MAGI2: variants seen among roughly 807,000 people sequenced by gnomAD.
MAGI2 encodes membrane-associated guanylate kinase, WW and PDZ domain-containing protein 2.
Under a neutral mutation model 133.3 loss-of-function variants are expected in MAGI2, and 35 were observed. The observed-to-expected ratio is 0.26, with a 90% confidence interval of 0.20 to 0.35. The LOEUF (loss-of-function observed/expected upper bound fraction) is 0.35, where lower values mean the gene tolerates loss of function less well. Ranked by LOEUF, MAGI2 falls within the 10% of genes least tolerant of loss-of-function variation. The pLI is 1.00. For missense variants in MAGI2, 1,636 were observed against 1,863.4 expected, an observed-to-expected ratio of 0.88 and a Z score of 2.25; for synonymous variants, 729 against 710.6, an observed-to-expected ratio of 1.03 and a Z score of -0.41.
intron 1 of MAGI2, among the ~76,000 whole-genome samples, chr7:79,324,505 CAT>C (rs1297840534): frequency 2.0e-5 from 1 of 49,020 alleles, no homozygotes; most frequent in African/African-American, 8.3e-5. Context: ...CATATATACA[CAT>C]ATAACCATAT....
At chr7:78,155,416 C>T (rs1355819164) in intron 16 of MAGI2, among the ~76,000 whole-genome samples, 2 of 152,186 alleles carry the variant, frequency 1.3e-5, no homozygotes, top group African/African-American at 4.8e-5. Flanking sequence ...GAGTTTGAGA[C>T]TAGCCCAGGC....
chr7:79,071,518 G>C (rs1422949427), intron 1 of MAGI2, among the ~76,000 whole-genome samples: 1 of 152,178 alleles, frequency 6.6e-6, no homozygotes, highest in Non-Finnish European at 1.5e-5. Context: ...TGTCAGGCAG[G>C]GATGTGTAAG....
intron 1 of MAGI2, among the ~76,000 whole-genome samples, chr7:79,228,415 T>C (rs1185990921): frequency 7.6e-6 from 1 of 131,114 alleles, no homozygotes; most frequent in Non-Finnish European, 1.6e-5. Context: ...AGAGAATCTA[T>C]GCCAAGTGTT....
intron 16 of MAGI2, among the ~76,000 whole-genome samples, chr7:78,139,478 A>G (rs936539895): frequency 6.6e-6 from 1 of 152,208 alleles, no homozygotes; most frequent in African/African-American, 2.4e-5. Context: ...TTTCAGTGCA[A>G]TGCTAACGGA....
At chr7:78,134,282 G>A (rs985425113) in intron 17 of MAGI2, 1 of 152,230 alleles carries the variant, frequency 6.6e-6, no homozygotes, top group Admixed American at 6.5e-5. Flanking sequence ...AGGGTACCAA[G>A]TTGAGTGAGC....
chr7:79,407,331 G>C (rs995399160), intron 1 of MAGI2, among the ~76,000 whole-genome samples: 1 of 152,092 alleles, frequency 6.6e-6, no homozygotes, highest in South Asian at 2.1e-4. Context: ...TCAGCCACGT[G>C]ATTCTTACAA....
chr7:79,033,378 T>G (rs1810797361), intron 1 of MAGI2, among the ~76,000 whole-genome samples: 1 of 152,204 alleles, frequency 6.6e-6, no homozygotes, highest in Non-Finnish European at 1.5e-5. Context: ...GGTTTTGACT[T>G]TTTGTTTGTT....
At chr7:79,261,662 C>T (rs1268311099) in intron 1 of MAGI2, among the ~76,000 whole-genome samples, 1 of 152,130 alleles carries the variant, frequency 6.6e-6, no homozygotes, top group Non-Finnish European at 1.5e-5. Context: ...TTTATTCCTA[C>T]CCTTAGCCTC....
intron 6 of MAGI2, among the ~76,000 whole-genome samples, chr7:78,425,235 C>T (rs1243041164): frequency 6.6e-6 from 1 of 152,150 alleles, no homozygotes; most frequent in Non-Finnish European, 1.5e-5. Flanking sequence ...TTTGCCTGCA[C>T]AAGCTCTCTC....
intron 2 of MAGI2, among the ~76,000 whole-genome samples, chr7:78,717,252 T>A (rs1819805992): frequency 6.8e-6 from 1 of 147,360 alleles, no homozygotes; most frequent in African/African-American, 2.5e-5. Context: ...AACAGTAACA[T>A]GGAAGTTATA....
At chr7:78,274,623 T>A (rs1473945788) in intron 9 of MAGI2, among the ~76,000 whole-genome samples, 5 of 150,778 alleles carry the variant, frequency 3.3e-5, no homozygotes, top group Non-Finnish European at 7.4e-5. Flanking sequence ...CTTTTTTTTT[T>A]AGAGATGCCC....
chr7:78,484,211 C>T (rs1441376543), intron 6 of MAGI2: 3 of 151,892 alleles, frequency 2.0e-5, no homozygotes, highest in Non-Finnish European at 4.4e-5. Context: ...AACTAATTAG[C>T]GTTTTCTACT....
intron 2 of MAGI2, 55 bp downstream of exon 2, chr7:79,007,035 T>C: frequency 7.9e-7 from 1 of 1,258,276 alleles, no homozygotes; most frequent in South Asian, 1.4e-5. Context: ...AATGAATATA[T>C]AGCTAAACAT....
chr7:78,449,555 T>C (rs1788498622), intron 6 of MAGI2, among the ~76,000 whole-genome samples: 1 of 152,094 alleles, frequency 6.6e-6, no homozygotes, highest in Non-Finnish European at 1.5e-5. Flanking sequence ...CTTGCTCCAT[T>C]AGTTTAATTG....
chr7:79,226,310 T>C (rs562831640), intron 1 of MAGI2, among the ~76,000 whole-genome samples: 1 of 152,218 alleles, frequency 6.6e-6, no homozygotes, highest in East Asian at 1.9e-4. Flanking sequence ...TCCTTCCATT[T>C]TAGAGTGGTG....
intron 2 of MAGI2, among the ~76,000 whole-genome samples, chr7:78,637,363 A>G (rs1400543720): frequency 6.6e-6 from 1 of 152,156 alleles, no homozygotes; most frequent in African/African-American, 2.4e-5. Context: ...ATGCAACAGT[A>G]TGGCTGATAT....
chr7:78,901,036 C>T (rs1420683971), intron 2 of MAGI2, among the ~76,000 whole-genome samples: 3 of 152,074 alleles, frequency 2.0e-5, no homozygotes, highest in African/African-American at 7.2e-5. Flanking sequence ...TGTCACAAGA[C>T]GAATTAGGAG....
At position 78,018,533 on chromosome 7, in the gene MAGI2, G is replaced by A. The variant is rs917334441; in HGVS notation, c.*782C>T. The A allele has an allele frequency of 2.6e-5, 4 of 152,280 alleles. No individual in the cohort carries two copies. The highest frequency in any genetic ancestry group is 9.6e-5 in the African/African-American group (4 of 41,558). 9.4% of individuals were successfully genotyped at this position (152,280 alleles called of 1,614,324 possible). On this transcript the variant is annotated 3_prime_UTR_variant, in exon 22 of 22. Coordinates refer to ENST00000354212, the MANE Select transcript of MAGI2 (RefSeq NM_012301.4). ...GAGAAAAACCAATTAAGATCTATGA[G>A]CTAAACTGCAAAATTCTGACTTATG...
intron 16 of MAGI2, among the ~76,000 whole-genome samples, chr7:78,143,130 AT>A (rs758495897): frequency 2.0e-5 from 3 of 152,328 alleles, no homozygotes; most frequent in Admixed American, 1.3e-4. Flanking sequence ...GTGAAATTCT[AT>A]TGTTCAACTA....
Sources: allele counts gnomAD v4.1 joint callset (sites outside exome capture counted in the v4.1 genomes callset), GRCh38; gene constraint gnomAD v4.1.1; transcripts MANE v1.5; gene names NCBI Gene and HGNC (gene_info 2026-07-23, HGNC 2026-07-21).